Variants in OSBPL6 observed in about 807,000 individuals in gnomAD.
OSBPL6 encodes oxysterol binding protein like 6.
A neutral mutation model predicts 125.8 loss-of-function variants in OSBPL6; 49 were observed. That is an observed-to-expected ratio of 0.39 (90% CI 0.31 to 0.49). OSBPL6 has a LOEUF of 0.49. Among genes scored for constraint, OSBPL6 ranks in the 20% least tolerant of loss-of-function variants. The pLI, the probability that OSBPL6 is intolerant of heterozygous loss-of-function variation, is 0.88. For missense variants in OSBPL6, 986 were observed against 1,135.4 expected (o/e 0.87, Z 1.89); for synonymous variants, 394 against 391.8 (o/e 1.01, Z -0.07).
At chr2:178,389,535 A>G (rs758740469) in intron 21 of OSBPL6, among the ~76,000 whole-genome samples, 1 of 152,218 alleles carries the variant, frequency 6.6e-6, no homozygotes, top group African/African-American at 2.4e-5. Context: ...TCGGGAACTC[A>G]TTATAATGTT....
intron 2 of OSBPL6, among the ~76,000 whole-genome samples, chr2:178,291,874 T>A (rs1284462919): frequency 6.6e-6 from 1 of 151,844 alleles, no homozygotes; most frequent in Non-Finnish European, 1.5e-5. Context: ...TCCTTGAACC[T>A]GAATCTCAGA....
chr2:178,298,142 T>C (rs10207612), intron 2 of OSBPL6, among the ~76,000 whole-genome samples: 6 of 152,256 alleles, frequency 3.9e-5, no homozygotes, highest in African/African-American at 1.4e-4. Flanking sequence ...TGTTCTTTTG[T>C]GCCTAGCTTA....
chr2:178,273,259 C>T lies in OSBPL6; in HGVS notation c.-350-11668C>T, dbSNP rs1241766308. Among the ~76,000 whole-genome samples the T allele has an allele frequency of 5.9e-5, 9 of 152,138 alleles. No individual in the cohort carries two copies. In the East Asian group the frequency reaches 1.7e-3, roughly 29 times the overall value. Reference sequence around the variant, plus strand: ...CTAATAGTAGGCTAAGGAATTTCGGCTTTATTCTGTCTTTCTCTAATTTCA... The same window carrying T: ...CTAATAGTAGGCTAAGGAATTTCGGTTTTATTCTGTCTTTCTCTAATTTCA... On this transcript the variant is annotated intron_variant, in intron 1 of 24. Coordinates refer to ENST00000190611, the MANE Select transcript of OSBPL6 (RefSeq NM_032523.4).
intron 1 of OSBPL6, among the ~76,000 whole-genome samples, chr2:178,209,856 C>G (rs1234690706): frequency 1.3e-5 from 2 of 150,292 alleles, no homozygotes; most frequent in African/African-American, 2.4e-5. Flanking sequence ...GTCTGGCTAC[C>G]ATTAAGAAAA....
intron 6 of OSBPL6, 63 bp downstream of exon 6, chr2:178,331,668 A>G (rs1689208575): frequency 3.3e-6 from 5 of 1,524,442 alleles, no homozygotes; most frequent in Non-Finnish European, 4.5e-6. Flanking sequence ...GTGAGTAAAC[A>G]CTGTAATTGT....
intron 1 of OSBPL6, among the ~76,000 whole-genome samples, chr2:178,222,780 C>T (rs2090397879): frequency 6.6e-6 from 1 of 152,136 alleles, no homozygotes; most frequent in South Asian, 2.1e-4. Context: ...GATAGACCCT[C>T]TGCCAAGAAA....
intron 1 of OSBPL6, among the ~76,000 whole-genome samples, chr2:178,219,103 A>G (rs1488287809): frequency 6.6e-6 from 1 of 152,082 alleles, no homozygotes; most frequent in Non-Finnish European, 1.5e-5. Flanking sequence ...ATGTAATCCT[A>G]CTTGTCCAAT....
chr2:178,333,230 C>A (rs991804561), intron 8 of OSBPL6, among the ~76,000 whole-genome samples, 189 bp downstream of exon 8: 6 of 152,010 alleles, frequency 3.9e-5, no homozygotes, highest in African/African-American at 1.4e-4. Flanking sequence ...ACTAAAAACA[C>A]AAAAATTTGT....
chr2:178,210,331 T>G (rs1005601540), intron 1 of OSBPL6, among the ~76,000 whole-genome samples: 1 of 144,156 alleles, frequency 6.9e-6, no homozygotes, highest in Non-Finnish European at 1.6e-5. Flanking sequence ...TAAGTAAATT[T>G]GACAGTTAAA....
intron 1 of OSBPL6, among the ~76,000 whole-genome samples, chr2:178,233,521 T>C (rs1206417021): frequency 6.6e-6 from 1 of 152,230 alleles, no homozygotes; most frequent in Non-Finnish European, 1.5e-5. Flanking sequence ...ATTATTACTT[T>C]AGTCATTGAA....
chr2:178,240,392 A>AC (rs2091241731), intron 1 of OSBPL6, among the ~76,000 whole-genome samples: 1 of 151,922 alleles, frequency 6.6e-6, no homozygotes, highest in Non-Finnish European at 1.5e-5. Flanking sequence ...ACATGGCGAG[A>AC]CCCCCATCTC....
intron 2 of OSBPL6, among the ~76,000 whole-genome samples, chr2:178,304,795 G>A (rs1442133866): frequency 3.3e-5 from 5 of 152,048 alleles, no homozygotes; most frequent in Admixed American, 6.6e-5. Context: ...CCACCATATC[G>A]CCATATCTCT....
At position 178,395,493 on chromosome 2, in the gene OSBPL6, C is replaced by G. The variant is rs781399954; in HGVS notation, c.2739C>G (p.Asn913Lys). 2 of 1,613,772 alleles carry G rather than the reference C, an allele frequency of 1.2e-6. No homozygotes were observed. Among genetic ancestry groups the G allele is most frequent in the East Asian group, 4.5e-5 (2 of 44,856 alleles). ...ATCAAAGAGAAGCCTGGGTTTCTAA[C>G]GACACCTACTGGGAGCTTCGAAAGG... ...DANQREAWVS[N>K]DTYWELRKDP... Residue 913 changes from asparagine to lysine, a missense_variant, in exon 25 of 25, where the codon AAC (asparagine) becomes AAG (lysine). Asn to Lys is a moderately conservative substitution (Grantham distance 94). Around this residue, in one of 3 missense-constraint regions of OSBPL6, gnomAD observed 843 missense variants for 997.3 expected, o/e 0.85. Transcript: ENST00000190611.
chr2:178,395,920 C>T lies in OSBPL6; in HGVS notation c.*361C>T, dbSNP rs1388137324. The T allele has an allele frequency of 2.5e-6, 1 of 396,344 alleles. No individual in the cohort carries two copies. Among genetic ancestry groups the T allele is most frequent in the Admixed American group, 3.6e-5 (1 of 27,852 alleles). The allele number at this position is 396,344 out of a possible 1,614,324, so 24.6% of individuals were successfully genotyped here. On this transcript the variant is annotated 3_prime_UTR_variant, in exon 25 of 25. Coordinates refer to ENST00000190611, the MANE Select transcript of OSBPL6 (RefSeq NM_032523.4). The stretch of plus-strand genomic sequence containing the variant: ...TAAAGCTGATCAAGAAAGTTAACAA[C>T]AACATAGAAACCACACGATTGTTCC...
chr2:178,400,805 G>C lies in OSBPL6; in HGVS notation c.*5246G>C, dbSNP rs1388121457. 6.6e-6 allele frequency: 1 copy of C among 152,062 alleles called. No individual in the cohort carries two copies. The highest frequency in any genetic ancestry group is 2.4e-5 in the African/African-American group (1 of 41,400). 9.4% of individuals were successfully genotyped at this position (152,062 alleles called of 1,614,324 possible). On this transcript the variant is annotated 3_prime_UTR_variant, in exon 25 of 25. Coordinates refer to ENST00000190611, the MANE Select transcript of OSBPL6 (RefSeq NM_032523.4). ...TGATCTGCTTTTATTATTTTTAAAA[G>C]TTAGCGTATTTTCTTATATGTATTG...
At chr2:178,194,999 T>C (rs923659547) in intron 1 of OSBPL6, among the ~76,000 whole-genome samples, 2 of 151,942 alleles carry the variant, frequency 1.3e-5, no homozygotes, top group African/African-American at 4.8e-5. Flanking sequence ...AGCGCTCGCA[T>C]TCCCTCGCGC....
At chr2:178,395,408 T>C (rs1432203116) in intron 24 of OSBPL6, 43 bp from the exon 25 acceptor site, 6 of 1,436,604 alleles carry the variant, frequency 4.2e-6, no homozygotes, top group Non-Finnish European at 5.9e-6. Context: ...TAAGGTTACC[T>C]TGATGTGATT....
intron 3 of OSBPL6, among the ~76,000 whole-genome samples, chr2:178,314,063 A>T (rs1440320903): frequency 5.3e-5 from 8 of 152,224 alleles, no homozygotes; most frequent in Admixed American, 5.2e-4. Context: ...ACGTGAACTG[A>T]ATTGGAATGT....
At chr2:178,220,454 G>A (rs955211699) in intron 1 of OSBPL6, among the ~76,000 whole-genome samples, 1 of 152,000 alleles carries the variant, frequency 6.6e-6, no homozygotes, top group Non-Finnish European at 1.5e-5. Context: ...ACACCACCAT[G>A]GCTGGGCCTT....
Sources: gnomAD v4.1 joint callset for allele counts (sites outside exome capture counted in the v4.1 genomes callset) on GRCh38, gnomAD v4.1.1 for gene constraint, gnomAD v4.1.1 regional missense constraint, MANE v1.5 for transcripts, NCBI Gene and HGNC (gene_info 2026-07-23, HGNC 2026-07-21) for gene names.